CLEC9A: variants seen among roughly 807,000 people sequenced by gnomAD.
CLEC9A encodes C-type lectin domain containing 9A.
A neutral mutation model predicts 30.0 loss-of-function variants in CLEC9A; 24 were observed. The observed-to-expected ratio is 0.80, with a 90% CI of 0.58 to 1.13. The LOEUF is 1.13. Ranked by LOEUF, CLEC9A falls within the 50% of genes most tolerant of loss-of-function variation. The pLI is 0.00. For missense variants in CLEC9A, 251 were observed against 280.9 expected (o/e 0.89, Z 0.76); for synonymous variants, 111 against 96.8 (o/e 1.15, Z -0.86).
At chr12:10,052,210 C>A in intron 3 of CLEC9A, 116 bp downstream of exon 3, 1 of 154,894 alleles carries the variant, frequency 6.5e-6, no homozygotes. Flanking sequence ...GGTTGAAATC[C>A]CTTCCTAGCT....
intron 1 of CLEC9A, among the ~76,000 whole-genome samples, chr12:10,032,124 A>C (rs1211859682): frequency 6.6e-6 from 1 of 152,212 alleles, no homozygotes; most frequent in Non-Finnish European, 1.5e-5. Flanking sequence ...AAGGATGTGG[A>C]GCAACAGGAG....
At chr12:10,064,595 T>C (rs1234839651) in intron 7 of CLEC9A, 137 bp from the exon 8 acceptor site, 1 of 893,566 alleles carries the variant, frequency 1.1e-6, no homozygotes, top group Non-Finnish European at 1.6e-6. Flanking sequence ...GGCACTTTTT[T>C]ATAATACTCC....
chr12:10,032,601 C>T (rs1230722236), intron 1 of CLEC9A, among the ~76,000 whole-genome samples: 1 of 151,994 alleles, frequency 6.6e-6, no homozygotes, highest in Non-Finnish European at 1.5e-5. Flanking sequence ...CCGTGTTAGC[C>T]AGGATGGTCT....
At chr12:10,044,400 G>A (rs1188871176) in intron 2 of CLEC9A, among the ~76,000 whole-genome samples, 1 of 152,134 alleles carries the variant, frequency 6.6e-6, no homozygotes, top group African/African-American at 2.4e-5. Context: ...AGGATCTCAG[G>A]ATACTACAGC....
chr12:10,062,489 T>C (rs902259142), intron 6 of CLEC9A, among the ~76,000 whole-genome samples: 1 of 152,246 alleles, frequency 6.6e-6, no homozygotes. Context: ...ATCAGAGTCC[T>C]AAACTAAGCA....
At chr12:10,042,166 T>G (rs11053566) in intron 2 of CLEC9A, among the ~76,000 whole-genome samples, 2,522 of 152,214 alleles carry the variant, frequency 0.017, 52 homozygotes, top group African/African-American at 0.043. Context: ...TTTGAGAAAA[T>G]AGAAAGGTAT....
Position 10,035,977 on chromosome 12 carries a change from A to G in CLEC9A, c.-318+5005A>G, listed in dbSNP as rs560026717. 8.5e-5 allele frequency among the ~76,000 whole-genome samples: 13 copies of G among 152,354 alleles called. 1 individual carries two copies. Among genetic ancestry groups the G allele is most frequent in the African/African-American group, 3.1e-4 (13 of 41,578 alleles). The stretch of plus-strand genomic sequence containing the variant: ...TTTATTAAGATGTTTGCCCTGCCTG[A>G]TAAACATTGCCTTCTTCTTTTTCTT... On this transcript the variant is annotated intron_variant, in intron 1 of 8. Transcript: ENST00000355819.
At chr12:10,052,929 G>A in intron 4 of CLEC9A, 151 bp downstream of exon 4, 1 of 802,322 alleles carries the variant, frequency 1.2e-6, no homozygotes, top group Non-Finnish European at 1.8e-6. Context: ...AAGTGGAGAA[G>A]GATTAAGTAA....
intron 2 of CLEC9A, among the ~76,000 whole-genome samples, chr12:10,049,670 C>T (rs921216795): frequency 6.6e-6 from 1 of 152,186 alleles, no homozygotes; most frequent in Non-Finnish European, 1.5e-5. Flanking sequence ...TTACCTCTCT[C>T]ACTCATCACA....
rs1865921074 is a variant in CLEC9A, at chr12:10,054,312, A to G, written c.133A>G (p.Met45Val). 7.4e-6 allele frequency: 12 copies of G among 1,613,100 alleles called. No homozygotes were observed. Among genetic ancestry groups the G allele is most frequent in the African/African-American group, 1.3e-5 (1 of 74,882 alleles). ...LVMVISCVFC[M>V]GLLTASIFLG... The stretch of plus-strand genomic sequence containing the variant: ...GATGGTGATTTCATGTGTTTTCTGC[A>G]TGGGATTATTAACAGCATCCATTTT... Residue 45 changes from methionine (M) to valine (V), a missense_variant, in exon 5 of 9, where the codon ATG becomes GTG. By Grantham distance (21) the Met-to-Val change is conservative. Coordinates refer to ENST00000355819, the MANE Select transcript of CLEC9A (RefSeq NM_207345.4).
chr12:10,061,326 A>G, intron 6 of CLEC9A, 53 bp downstream of exon 6: 1 of 1,482,850 alleles, frequency 6.7e-7, no homozygotes, highest in Non-Finnish European at 9.0e-7. Flanking sequence ...ATACACCAAT[A>G]CCTCAAAAGA....
intron 1 of CLEC9A, among the ~76,000 whole-genome samples, chr12:10,034,847 T>TC (rs1865730579): frequency 6.6e-6 from 1 of 152,158 alleles, no homozygotes; most frequent in Non-Finnish European, 1.5e-5. Context: ...AGTTTAGCCG[T>TC]CCATAGGTGG....
intron 1 of CLEC9A, among the ~76,000 whole-genome samples, chr12:10,038,814 A>C (rs1242940351): frequency 6.6e-6 from 1 of 151,132 alleles, no homozygotes; most frequent in Non-Finnish European, 1.5e-5. Context: ...TGTTTATTAA[A>C]GTAGTTATAG....
chr12:10,042,919 T>C (rs1353066523), intron 2 of CLEC9A, among the ~76,000 whole-genome samples: 3 of 152,180 alleles, frequency 2.0e-5, no homozygotes, highest in African/African-American at 7.2e-5. Flanking sequence ...TCATGTTTGG[T>C]AGTCTGAAAG....
At chr12:10,054,429 C>A (rs1373698244) in intron 5 of CLEC9A, 78 bp downstream of exon 5, 2 of 931,840 alleles carry the variant, frequency 2.1e-6, no homozygotes, top group South Asian at 1.6e-5. Context: ...GATGGAAAAT[C>A]AATTCATATG....
chr12:10,057,998 T>C (rs996713740), intron 5 of CLEC9A, among the ~76,000 whole-genome samples: 3 of 151,944 alleles, frequency 2.0e-5, no homozygotes, highest in African/African-American at 7.3e-5. Flanking sequence ...AAGTATTTTG[T>C]TTTTTTTCCC....
rs948745870 is a variant in CLEC9A at position 10,047,505 on chromosome 12, T to C, written c.-162-4486T>C. Among the ~76,000 whole-genome samples the C allele has an allele frequency of 5.3e-5, 8 of 152,166 alleles. No individual in the cohort carries two copies. In the South Asian group the frequency reaches 8.3e-4, roughly 16 times the overall value. ...AGTAGCACAAATCAGAACACTTCAT[T>C]CCAAATACTTAATCTTCTACATATT... On this transcript the variant is annotated intron_variant, in intron 2 of 8. Coordinates refer to ENST00000355819, the MANE Select transcript of CLEC9A (RefSeq NM_207345.4).
chr12:10,035,236 G>A (rs1013568071), intron 1 of CLEC9A, among the ~76,000 whole-genome samples: 2 of 152,146 alleles, frequency 1.3e-5, no homozygotes, highest in African/African-American at 2.4e-5. Context: ...GGTTTTATAG[G>A]CACAGGATGG....
intron 4 of CLEC9A, among the ~76,000 whole-genome samples, chr12:10,053,314 G>A (rs1865912022): frequency 6.6e-6 from 1 of 152,164 alleles, no homozygotes; most frequent in African/African-American, 2.4e-5. Context: ...AAGCTGAAAT[G>A]GATTTCAATG....
Sources: allele counts gnomAD v4.1 joint callset (sites outside exome capture counted in the v4.1 genomes callset), GRCh38; gene constraint gnomAD v4.1.1; transcripts MANE v1.5; gene names NCBI Gene and HGNC (gene_info 2026-07-23, HGNC 2026-07-21).